NRP2: variants seen among roughly 807,000 people sequenced by gnomAD.
NRP2 encodes the protein neuropilin 2.
A neutral mutation model predicts 110.4 loss-of-function variants in NRP2; 52 were observed. The observed-to-expected ratio is 0.47, with a 90% CI of 0.38 to 0.59. The LOEUF is 0.59. NRP2 is among the 20% of genes least tolerant of loss of function. NRP2 has a pLI of 0.00. For missense variants in NRP2, 1,049 were observed against 1,203.0 expected (o/e 0.87, Z 1.89); for synonymous variants, 508 against 468.9 (o/e 1.08, Z -1.08).
At chr2:205,706,975 A>G (rs1369249680) in intron 2 of NRP2, among the ~76,000 whole-genome samples, 2 of 152,194 alleles carry the variant, frequency 1.3e-5, no homozygotes, top group African/African-American at 4.8e-5. Context: ...AAGATCCTTC[A>G]AGGTCTGACT....
intron 11 of NRP2, among the ~76,000 whole-genome samples, chr2:205,751,977 T>A (rs949641132): frequency 2.6e-5 from 4 of 152,138 alleles, no homozygotes; most frequent in Admixed American, 2.6e-4. Flanking sequence ...CATACTGGAT[T>A]TTTGGAGCTG....
rs967195172 is a variant in NRP2 at position 205,725,503 on chromosome 2, T to G, written c.821-410T>G. Among the ~76,000 whole-genome samples the G allele has an allele frequency of 1.3e-5, 2 of 152,130 alleles. No homozygotes were observed. The highest frequency in any genetic ancestry group is 4.8e-5 in the African/African-American group (2 of 41,424). On this transcript the variant is annotated intron_variant, in intron 5 of 16. Transcript: ENST00000357785. This position sits in a 1 kb window ranked among gnomAD's most constrained non-coding sequence, Gnocchi z 4.1. Reference sequence around the variant, plus strand: ...GAAAAAAGAAAGAAGCAAAAGTGCCTCCTGGGTGTTTATTAATAAAGCAGG... The same window carrying G: ...GAAAAAAGAAAGAAGCAAAAGTGCCGCCTGGGTGTTTATTAATAAAGCAGG...
In NRP2 at chr2:205,757,647, A is replaced by G. The variant is rs116141581; in HGVS notation, c.2044+4672A>G. Among the ~76,000 whole-genome samples, 1,196 of 152,248 alleles carry G rather than the reference A, an allele frequency of 7.9e-3. 23 individuals carry two copies. The highest frequency in any genetic ancestry group is 0.027 in the African/African-American group (1,137 of 41,546). On this transcript the variant is annotated intron_variant, in intron 12 of 16. Coordinates refer to ENST00000357785, the MANE Select transcript of NRP2 (RefSeq NM_003872.3). ...ATCCATTGAATTGCTGTTAGATTGA[A>G]CTGTCTTCAGAAAGAGGTTGCTGTG...
chr2:205,769,120 G>A (rs1040700701), intron 15 of NRP2, among the ~76,000 whole-genome samples: 10 of 152,054 alleles, frequency 6.6e-5, no homozygotes, highest in East Asian at 1.9e-4. Context: ...CTCTTGATCC[G>A]GGCATAAAAT....
intron 2 of NRP2, among the ~76,000 whole-genome samples, chr2:205,700,551 C>T (rs956475390): frequency 2.6e-5 from 4 of 152,194 alleles, no homozygotes; most frequent in Non-Finnish European, 4.4e-5. Flanking sequence ...GAAACAGGGC[C>T]CTGATATGAA....
chr2:205,721,107 A>C (rs1368046900), intron 3 of NRP2, among the ~76,000 whole-genome samples: 1 of 152,180 alleles, frequency 6.6e-6, no homozygotes, highest in Admixed American at 6.5e-5. Context: ...CAAATCAGAC[A>C]TTTGCCTCTT....
intron 12 of NRP2, among the ~76,000 whole-genome samples, chr2:205,757,392 T>A (rs1207579888): frequency 6.6e-6 from 1 of 152,034 alleles, no homozygotes; most frequent in African/African-American, 2.4e-5. Flanking sequence ...TTGAATGAAT[T>A]CCGTTAGAGT....
At chr2:205,757,918 A>G (rs935605081) in intron 12 of NRP2, among the ~76,000 whole-genome samples, 2 of 150,926 alleles carry the variant, frequency 1.3e-5, no homozygotes, top group African/African-American at 4.9e-5. Flanking sequence ...TTTCCTGCAA[A>G]TCATGATTGG....
intron 7 of NRP2, among the ~76,000 whole-genome samples, chr2:205,733,428 C>T (rs1035531915): frequency 2.0e-5 from 3 of 152,156 alleles, no homozygotes; most frequent in Admixed American, 6.5e-5. Context: ...CTTGCCCCAA[C>T]CCCAACTAAT....
intron 7 of NRP2, among the ~76,000 whole-genome samples, 180 bp from the exon 8 acceptor site, chr2:205,740,339 A>C (rs1381935977): frequency 6.6e-6 from 1 of 152,176 alleles, no homozygotes; most frequent in East Asian, 1.9e-4. Flanking sequence ...GAACAGTGTG[A>C]GAAATTAATT....
intron 1 of NRP2, among the ~76,000 whole-genome samples, chr2:205,684,822 T>G (rs1289684892): frequency 1.3e-5 from 2 of 152,230 alleles, no homozygotes; most frequent in African/African-American, 4.8e-5. Context: ...CTCACAGACC[T>G]GGATGCTGCG....
intron 2 of NRP2, among the ~76,000 whole-genome samples, chr2:205,708,383 C>A (rs1172433582): frequency 6.6e-6 from 1 of 152,250 alleles, no homozygotes; most frequent in South Asian, 2.1e-4. Flanking sequence ...CTCAGGAATG[C>A]GCCTTGCTGG....
In NRP2 at chr2:205,726,075, A is replaced by G; in HGVS notation, c.983A>G (p.Tyr328Cys). 1 of 1,614,200 alleles carries G rather than the reference A, an allele frequency of 6.2e-7. No individual in the cohort carries two copies. Among genetic ancestry groups the G allele is most frequent in the Non-Finnish European group, 8.5e-7 (1 of 1,180,032 alleles). ...WTPNLDSNKE[Y>C]LQVDLRFLTM... The stretch of plus-strand genomic sequence containing the variant: ...CCCAACTTGGATTCCAACAAGGAGT[A>G]TCTCCAGGTACTTGTGCAGATACCA... The change falls in exon 6 of 17, where the codon TAT becomes TGT. Residue 328 changes from tyrosine to cysteine, a missense_variant. Transcript: ENST00000357785.
At chr2:205,775,447 C>T (rs968361876) in intron 15 of NRP2, among the ~76,000 whole-genome samples, 1 of 151,956 alleles carries the variant, frequency 6.6e-6, no homozygotes, top group Non-Finnish European at 1.5e-5. Context: ...GATTTCCCTC[C>T]CTCTCTCTCT....
chr2:205,701,840 A>G (rs765039539), intron 2 of NRP2, among the ~76,000 whole-genome samples: 9 of 152,228 alleles, frequency 5.9e-5, no homozygotes, highest in Admixed American at 2.6e-4. Context: ...CTGATAAAGA[A>G]CATTCTAAAT....
chr2:205,753,100 C>G (rs1200351027), intron 12 of NRP2, 125 bp downstream of exon 12: 2 of 1,271,118 alleles, frequency 1.6e-6, no homozygotes, highest in Non-Finnish European at 2.3e-6. Flanking sequence ...TCTTTGCCCA[C>G]AAACCACCAC....
rs2228639 is a variant in NRP2, at chr2:205,725,962, T to C, written c.870T>C (p.Asn290=). ...PLGMESGRIA[N]EQISASSTYS... Reference sequence around the variant, plus strand: ...GCATGGAGTCTGGCCGGATTGCTAATGAACAGATCAGTGCCTCATCTACCT... The same window carrying C: ...GCATGGAGTCTGGCCGGATTGCTAACGAACAGATCAGTGCCTCATCTACCT... The change falls in exon 6 of 17, where the codon AAT becomes AAC. Residue 290 remains asparagine (N), a synonymous_variant. Coordinates refer to ENST00000357785, the MANE Select transcript of NRP2 (RefSeq NM_003872.3). This position sits in a 1 kb window ranked among gnomAD's most constrained non-coding sequence, Gnocchi z 4.1. 0.082 allele frequency: 132,490 copies of C among 1,614,076 alleles called. 6,029 individuals are homozygous for C. The highest frequency in any genetic ancestry group is 0.13 in the Middle Eastern group (777 of 6,058).
intron 7 of NRP2, among the ~76,000 whole-genome samples, chr2:205,737,043 T>C (rs80008898): frequency 0.018 from 2,785 of 152,314 alleles, 92 homozygotes; most frequent in African/African-American, 0.063. Flanking sequence ...TAAAAATGGA[T>C]TTTCATAAAT....
At chr2:205,756,422 C>T (rs146587806) in intron 12 of NRP2, 3 of 152,128 alleles carry the variant, frequency 2.0e-5, no homozygotes, top group Admixed American at 2.0e-4. Context: ...AGAACCGAGA[C>T]AAAAACTCAT....
Sources: gnomAD v4.1 joint callset for allele counts (sites outside exome capture counted in the v4.1 genomes callset) on GRCh38, gnomAD v4.1.1 for gene constraint, Gnocchi (gnomAD v3.1) non-coding constraint, MANE v1.5 for transcripts, NCBI Gene and HGNC (gene_info 2026-07-23, HGNC 2026-07-21) for gene names.